The following NRXN1 variants were observed in gnomAD, a reference collection of about 807,000 sequenced individuals.
The protein encoded by NRXN1 is neurexin-1.
NRXN1 carries 39 observed loss-of-function variants against 150.9 expected under a neutral mutation model. That is an observed-to-expected ratio of 0.26 (90% CI 0.20 to 0.34). NRXN1 has a LOEUF of 0.34. Ranked by LOEUF, NRXN1 falls within the 10% of genes least tolerant of loss-of-function variation. The probability of loss-of-function intolerance (pLI) is 1.00; values close to 1 mark genes in which losing one functional copy is unlikely to be tolerated. For missense variants in NRXN1, 1,815 were observed against 1,949.9 expected (o/e 0.93, Z 1.30); for synonymous variants, 924 against 757.0 (o/e 1.22, Z -3.62).
intron 5 of NRXN1, among the ~76,000 whole-genome samples, chr2:50,816,686 C>G (rs1225868923): frequency 6.6e-6 from 1 of 152,112 alleles, no homozygotes; most frequent in South Asian, 2.1e-4. Flanking sequence ...TGATGATGTA[C>G]TTACTGCCAC....
chr2:50,694,672 G>A (rs928181381), intron 5 of NRXN1, among the ~76,000 whole-genome samples: 1 of 152,046 alleles, frequency 6.6e-6, no homozygotes, highest in Non-Finnish European at 1.5e-5. Flanking sequence ...TTCTACCAAA[G>A]AACAAATCAA....
intron 5 of NRXN1, among the ~76,000 whole-genome samples, chr2:50,653,083 T>C (rs1164449067): frequency 6.6e-6 from 1 of 152,054 alleles, no homozygotes; most frequent in Admixed American, 6.6e-5. Context: ...CTCCCACTCA[T>C]ATGCAATTAA....
At chr2:50,230,102 C>T (rs1257403948) in intron 18 of NRXN1, among the ~76,000 whole-genome samples, 1 of 152,038 alleles carries the variant, frequency 6.6e-6, no homozygotes, top group Non-Finnish European at 1.5e-5. Context: ...TTCTGCAACT[C>T]TTCCAAAGAG....
intron 22 of NRXN1, among the ~76,000 whole-genome samples, chr2:49,930,985 T>C (rs1297043518): frequency 6.6e-6 from 1 of 152,068 alleles, no homozygotes; most frequent in Non-Finnish European, 1.5e-5. Context: ...AAAACAAATA[T>C]TAGTTGGGCA....
In NRXN1 at chr2:49,921,736, GC is replaced by G. The variant is rs1668230839; in HGVS notation, c.*207del. Reference sequence around the variant, plus strand: ...ACTGTGGATGTTAGGGAATTTATTGGCCCCTGTTTTTTGTTTTTTGTTTTTC... The same window carrying G: ...ACTGTGGATGTTAGGGAATTTATTGGCCCTGTTTTTTGTTTTTTGTTTTTC... On this transcript the variant is annotated 3_prime_UTR_variant, in exon 23 of 23. Transcript: ENST00000401669. 5 of 570,960 alleles carry G rather than the reference GC, an allele frequency of 8.8e-6. No individual in the cohort carries two copies. 35.4% of individuals were successfully genotyped at this position (570,960 alleles called of 1,614,324 possible).
chr2:50,125,397 T>C (rs1704434545), intron 18 of NRXN1, among the ~76,000 whole-genome samples: 1 of 152,102 alleles, frequency 6.6e-6, no homozygotes, highest in South Asian at 2.1e-4. Flanking sequence ...TTTTCCCTCT[T>C]ATGTGCCTTT....
intron 19 of NRXN1, among the ~76,000 whole-genome samples, chr2:50,059,989 A>G (rs1270773408): frequency 6.6e-6 from 1 of 152,218 alleles, no homozygotes; most frequent in African/African-American, 2.4e-5. Flanking sequence ...GAGCCCCCAC[A>G]CAGAGTCTCC....
chr2:50,757,955 T>C (rs941724949), intron 5 of NRXN1: 3 of 151,778 alleles, frequency 2.0e-5, no homozygotes, highest in African/African-American at 7.2e-5. Context: ...TCCTGACACA[T>C]TCACAAGAGA....
At chr2:50,614,616 C>A (rs1278793517) in intron 8 of NRXN1, among the ~76,000 whole-genome samples, 3 of 145,454 alleles carry the variant, frequency 2.1e-5, no homozygotes, top group Non-Finnish European at 4.5e-5. Flanking sequence ...TACACACGTA[C>A]CCTAGAACTT....
intron 8 of NRXN1, among the ~76,000 whole-genome samples, chr2:50,612,609 C>T (rs1385069305): frequency 1.3e-5 from 2 of 152,140 alleles, no homozygotes; most frequent in East Asian, 3.8e-4. Context: ...ATGCTGACTC[C>T]CTTACCCCTT....
intron 5 of NRXN1, among the ~76,000 whole-genome samples, chr2:50,783,113 T>C (rs1704584250): frequency 6.6e-6 from 1 of 152,180 alleles, no homozygotes; most frequent in Non-Finnish European, 1.5e-5. Context: ...GTCAAGATCA[T>C]GCATGTAGTA....
At position 50,510,280 on chromosome 2, in the gene NRXN1, G is replaced by A. The variant is rs538209197; in HGVS notation, c.2375-3663C>T. Among the ~76,000 whole-genome samples, 20 of 152,032 alleles carry A rather than the reference G, an allele frequency of 1.3e-4. No homozygotes were observed. The East Asian group carries it at 3.3e-3, about 25-fold the overall frequency. On this transcript the variant is annotated intron_variant, in intron 12 of 22. Coordinates refer to ENST00000401669, the MANE Select transcript of NRXN1 (RefSeq NM_001330078.2). ...AGGCGGGAGAATCACGAGGTCAGGA[G>A]TTTGAGACCAGCCTGGCCAACAGGG...
chr2:50,499,981 G>C (rs979649346), intron 13 of NRXN1, among the ~76,000 whole-genome samples: 9 of 147,878 alleles, frequency 6.1e-5, no homozygotes, highest in Admixed American at 2.7e-4. Flanking sequence ...TATGGGCTTT[G>C]ATATCCCTTT....
At chr2:50,675,466 A>G (rs1172403739) in intron 5 of NRXN1, among the ~76,000 whole-genome samples, 1 of 152,152 alleles carries the variant, frequency 6.6e-6, no homozygotes, top group Admixed American at 6.6e-5. Context: ...GTATCAGGAA[A>G]TCAACTAGAC....
intron 17 of NRXN1, among the ~76,000 whole-genome samples, chr2:50,314,875 C>T (rs1192841229): frequency 1.3e-5 from 2 of 151,840 alleles, no homozygotes; most frequent in Admixed American, 6.6e-5. Context: ...CCTTCTGAGC[C>T]TTATTTTTCT....
intron 5 of NRXN1, among the ~76,000 whole-genome samples, chr2:50,658,860 G>A (rs764912431): frequency 7.2e-5 from 11 of 152,006 alleles, no homozygotes; most frequent in Non-Finnish European, 1.6e-4. Flanking sequence ...TAAGCTTCCT[G>A]AGAGCTGGCT....
chr2:50,586,665 C>T (rs75562537), intron 8 of NRXN1, among the ~76,000 whole-genome samples: 3,333 of 152,194 alleles, frequency 0.022, 58 homozygotes, highest in Middle Eastern at 0.075. Context: ...AAGTTATTTT[C>T]CATTAAACTC....
intron 17 of NRXN1, among the ~76,000 whole-genome samples, chr2:50,397,754 G>A (rs537409195): frequency 1.2e-4 from 18 of 152,230 alleles, no homozygotes; most frequent in Non-Finnish European, 2.5e-4. Flanking sequence ...GTGGAGGTAT[G>A]AGAGATTTCT....
intron 18 of NRXN1, among the ~76,000 whole-genome samples, chr2:50,141,330 A>T (rs1355586068): frequency 6.6e-6 from 1 of 152,088 alleles, no homozygotes; most frequent in Non-Finnish European, 1.5e-5. Flanking sequence ...AAAGATTTAA[A>T]GGCAAGACCT....
Sources: allele counts gnomAD v4.1 joint callset (sites outside exome capture counted in the v4.1 genomes callset), GRCh38; gene constraint gnomAD v4.1.1; transcripts MANE v1.5; gene names NCBI Gene and HGNC (gene_info 2026-07-23, HGNC 2026-07-21).